THSD4: variants seen among roughly 807,000 people sequenced by gnomAD.
THSD4 encodes thrombospondin type 1 domain containing 4, also known as thrombospondin type-1 domain-containing protein 4.
A neutral mutation model predicts 119.0 loss-of-function variants in THSD4; 69 were observed. That is an observed-to-expected ratio of 0.58 (90% CI 0.48 to 0.71). THSD4 has a LOEUF of 0.71. Ranked by LOEUF, THSD4 falls within the 30% of genes least tolerant of loss-of-function variation. The pLI is 0.00. For missense variants in THSD4, 1,393 were observed against 1,391.1 expected (o/e 1.00, Z -0.02); for synonymous variants, 524 against 540.4 (o/e 0.97, Z 0.42).
intron 7 of THSD4, among the ~76,000 whole-genome samples, chr15:71,617,053 A>G (rs2050329861): frequency 6.6e-6 from 1 of 152,228 alleles, no homozygotes; most frequent in South Asian, 2.1e-4. Context: ...TAATTATTAG[A>G]AGATAATTTA....
rs1049496029 is a variant in THSD4 at position 71,528,996 on chromosome 15, G to A, written c.1152+117173G>A. Among the ~76,000 whole-genome samples the A allele has an allele frequency of 2.6e-5, 4 of 152,184 alleles. No individual in the cohort carries two copies. In the East Asian group the frequency reaches 7.7e-4, roughly 29 times the overall value. Reference sequence around the variant, plus strand: ...GCCAAACCTGAGTCTCTTTCCTCCTGGGTCCATAGCTAGGCCGTATTTCCC... The same window carrying A: ...GCCAAACCTGAGTCTCTTTCCTCCTAGGTCCATAGCTAGGCCGTATTTCCC... On this transcript the variant is annotated intron_variant, in intron 7 of 17. Coordinates refer to ENST00000261862, the MANE Select transcript of THSD4 (RefSeq NM_024817.3).
intron 7 of THSD4, among the ~76,000 whole-genome samples, chr15:71,450,317 G>A (rs1330433787): frequency 6.6e-6 from 1 of 152,152 alleles, no homozygotes; most frequent in Admixed American, 6.5e-5. Flanking sequence ...GTAGGCCCAG[G>A]TGAGAATAAT....
At chr15:71,236,948 G>A (rs1358181640) in intron 4 of THSD4, among the ~76,000 whole-genome samples, 1 of 152,194 alleles carries the variant, frequency 6.6e-6, no homozygotes, top group Non-Finnish European at 1.5e-5. Flanking sequence ...CCTGAAGGGT[G>A]ACTAGGTCAT....
chr15:71,305,326 A>G (rs945502424), intron 6 of THSD4, among the ~76,000 whole-genome samples: 1 of 152,210 alleles, frequency 6.6e-6, no homozygotes, highest in Non-Finnish European at 1.5e-5. Flanking sequence ...GGAATGGTAG[A>G]AAGATGAAGA....
In THSD4 at chr15:71,739,838, TTTTCTTTTCC is replaced by T. The variant is rs1490183677; in HGVS notation, c.1906+1841_1906+1850del. 9.2e-5 allele frequency among the ~76,000 whole-genome samples: 14 copies of T among 151,892 alleles called. 2 individuals carry two copies. In the South Asian group the frequency reaches 2.9e-3, roughly 32 times the overall value. The stretch of plus-strand genomic sequence containing the variant: ...TGCTTTGCTTTGCTTTGCTTTTTTT[TTTTCTTTTCC>T]TTTCTTTTCTTTTCTTTTGATACTG... On this transcript the variant is annotated intron_variant, in intron 11 of 17. Transcript: ENST00000261862.
intron 1 of THSD4, among the ~76,000 whole-genome samples, chr15:71,129,090 C>T (rs1448313170): frequency 6.6e-6 from 1 of 152,056 alleles, no homozygotes; most frequent in Admixed American, 6.5e-5. Flanking sequence ...TCCCAGAGGC[C>T]CAGGCAAGCT....
chr15:71,525,763 G>GCATCT (rs901803964), intron 7 of THSD4, among the ~76,000 whole-genome samples: 1 of 152,162 alleles, frequency 6.6e-6, no homozygotes, highest in Non-Finnish European at 1.5e-5. Context: ...TACATTCTTT[G>GCATCT]CATCTCATCT....
intron 1 of THSD4, among the ~76,000 whole-genome samples, chr15:71,128,604 G>C (rs1055467343): frequency 1.1e-4 from 17 of 151,594 alleles, no homozygotes; most frequent in African/African-American, 4.1e-4. Context: ...AAAGAGAGTG[G>C]GATGAAAAAC....
intron 2 of THSD4, chr15:71,147,811 A>G (rs1042027626): frequency 2.0e-5 from 3 of 152,026 alleles, no homozygotes; most frequent in African/African-American, 7.3e-5. Context: ...AGAAACAAAC[A>G]AATGAACAGT....
rs538040811 is a variant in THSD4, at chr15:71,483,882, A to G, written c.1152+72059A>G. Among the ~76,000 whole-genome samples the G allele has an allele frequency of 2.0e-5, 3 of 152,218 alleles. No individual in the cohort carries two copies. In the East Asian group the frequency reaches 5.8e-4, roughly 29 times the overall value. On this transcript the variant is annotated intron_variant, in intron 7 of 17. Transcript: ENST00000261862. ...CTGTTCCTGCATTAGTTTGCTGAAG[A>G]TAATGGCCTCCAGCTCCATGTGTGT...
At chr15:71,617,984 A>G (rs1434868388) in intron 7 of THSD4, among the ~76,000 whole-genome samples, 1 of 152,194 alleles carries the variant, frequency 6.6e-6, no homozygotes, top group Non-Finnish European at 1.5e-5. Context: ...CTGATGTCCA[A>G]AGACTCCAAA....
chr15:71,315,257 C>T (rs1458886018), intron 6 of THSD4, among the ~76,000 whole-genome samples: 1 of 152,230 alleles, frequency 6.6e-6, no homozygotes, highest in Non-Finnish European at 1.5e-5. Context: ...TCTAACTGTG[C>T]AACTGGTGAC....
chr15:71,332,892 A>ATTTTTTTTTT lies in THSD4; in HGVS notation c.1015+76184_1015+76193dup. On this transcript the variant is annotated intron_variant, in intron 6 of 17. Transcript: ENST00000261862. ...TCTTAAAACATTGAGATTTTTTTAC[A>ATTTTTTTTTT]TTTTTTTTTTTTTTTTAGTTCATCA... 2.1e-3 allele frequency among the ~76,000 whole-genome samples: 164 copies of ATTTTTTTTTT among 76,990 alleles called. 22 individuals carry two copies. The highest frequency in any genetic ancestry group is 7.5e-3 in the East Asian group (14 of 1,878). The allele number at this position is 76,990 out of a possible 152,430, so 50.5% of individuals were successfully genotyped here. A position where few individuals can be genotyped will look rare whatever the true frequency, so the allele number is the denominator to read the frequency against.
chr15:71,587,143 G>A (rs886793595), intron 7 of THSD4, among the ~76,000 whole-genome samples: 4 of 142,846 alleles, frequency 2.8e-5, no homozygotes, highest in South Asian at 2.6e-4. Flanking sequence ...GAGAGGATGT[G>A]GAGAAATAGG....
chr15:71,518,117 A>G (rs2048386527), intron 7 of THSD4, among the ~76,000 whole-genome samples: 1 of 152,206 alleles, frequency 6.6e-6, no homozygotes, highest in South Asian at 2.1e-4. Context: ...ACATATGTGC[A>G]TTGCTCAATT....
chr15:71,685,679 G>A (rs2051893261), intron 8 of THSD4, among the ~76,000 whole-genome samples: 1 of 152,088 alleles, frequency 6.6e-6, no homozygotes, highest in Admixed American at 6.5e-5. Context: ...AAAATAGAGA[G>A]GTAGTTTAGT....
intron 6 of THSD4, among the ~76,000 whole-genome samples, chr15:71,267,119 A>G (rs1382391268): frequency 1.3e-5 from 2 of 152,170 alleles, no homozygotes; most frequent in Non-Finnish European, 2.9e-5. Flanking sequence ...AGAACACCAC[A>G]AAGATACTGC....
At chr15:71,466,798 A>G (rs191247148) in intron 7 of THSD4, among the ~76,000 whole-genome samples, 2 of 152,274 alleles carry the variant, frequency 1.3e-5, no homozygotes, top group Non-Finnish European at 2.9e-5. Context: ...CTCTATTCAC[A>G]TCACCCCTTA....
intron 4 of THSD4, among the ~76,000 whole-genome samples, chr15:71,224,586 T>TA (rs1025177921): frequency 6.6e-6 from 1 of 151,970 alleles, no homozygotes; most frequent in Non-Finnish European, 1.5e-5. Context: ...CTTAGTTGCT[T>TA]AAAAAAAACA....
Sources: allele counts gnomAD v4.1 joint callset (sites outside exome capture counted in the v4.1 genomes callset), GRCh38; gene constraint gnomAD v4.1.1; transcripts MANE v1.5; gene names NCBI Gene and HGNC (gene_info 2026-07-23, HGNC 2026-07-21).